The following TRUB1 variants were observed in gnomAD, a reference collection of about 807,000 sequenced individuals.
TRUB1 encodes pseudouridylate synthase TRUB1.
In TRUB1, 23 loss-of-function variants were observed where a neutral mutation model predicts 33.9. The observed-to-expected ratio is 0.68, with a 90% CI of 0.49 to 0.96. The LOEUF (loss-of-function observed/expected upper bound fraction) is 0.96. Ranked by LOEUF, TRUB1 falls within the 40% of genes least tolerant of loss-of-function variation. The pLI, the probability that TRUB1 is intolerant of heterozygous loss-of-function variation, is 0.00. For synonymous variants in TRUB1, 163 were observed against 165.4 expected, an observed-to-expected ratio of 0.99 and a Z score of 0.11; for missense variants, 378 against 422.2, an observed-to-expected ratio of 0.90 and a Z score of 0.92.
chr10:114,951,194 G>A, intron 3 of TRUB1, 45 bp downstream of exon 3: 2 of 1,473,840 alleles, frequency 1.4e-6, no homozygotes, highest in Non-Finnish European at 1.9e-6. Flanking sequence ...TGTTCTTAAT[G>A]ATCTACATGT....
intron 2 of TRUB1, among the ~76,000 whole-genome samples, chr10:114,947,833 G>T (rs751405820): frequency 6.6e-6 from 1 of 152,188 alleles, no homozygotes; most frequent in Non-Finnish European, 1.5e-5. Flanking sequence ...TGTCTTTATA[G>T]ATAGAACTTT....
chr10:114,971,095 A>G (rs1294662991), intron 5 of TRUB1, among the ~76,000 whole-genome samples: 9 of 152,124 alleles, frequency 5.9e-5, no homozygotes, highest in South Asian at 4.1e-4. Context: ...TTTTTCACAG[A>G]TGGCACCTTC....
chr10:114,943,357 C>T (rs2084197233), intron 2 of TRUB1, among the ~76,000 whole-genome samples: 1 of 152,114 alleles, frequency 6.6e-6, no homozygotes, highest in African/African-American at 2.4e-5. Context: ...TGGTGAAACC[C>T]TGTCTCTTCT....
chr10:114,939,647 C>A (rs2084176778), intron 1 of TRUB1, among the ~76,000 whole-genome samples: 1 of 152,134 alleles, frequency 6.6e-6, no homozygotes, highest in Non-Finnish European at 1.5e-5. Context: ...TCCAGTATCA[C>A]GACTACTTAT....
chr10:114,942,863 G>T, intron 2 of TRUB1, 120 bp downstream of exon 2: 1 of 673,140 alleles, frequency 1.5e-6, no homozygotes, highest in Non-Finnish European at 2.6e-6. Context: ...GAATGTTTCA[G>T]ATCTACTGGA....
At chr10:114,951,199 A>G (rs1190082528) in intron 3 of TRUB1, 50 bp downstream of exon 3, 1 of 1,442,190 alleles carries the variant, frequency 6.9e-7, no homozygotes, top group Admixed American at 1.8e-5. Flanking sequence ...TTAATGATCT[A>G]CATGTATTGG....
intron 2 of TRUB1, among the ~76,000 whole-genome samples, chr10:114,946,255 G>C (rs970591999): frequency 6.6e-6 from 1 of 151,892 alleles, no homozygotes; most frequent in Non-Finnish European, 1.5e-5. Flanking sequence ...TAAGTCAAAA[G>C]GTTTTCAAAA....
rs143711955 is a variant in TRUB1 at position 114,938,426 on chromosome 10, A to C, written c.173A>C (p.Lys58Thr). 264 of 1,597,702 alleles carry C rather than the reference A, an allele frequency of 1.7e-4. No individual in the cohort carries two copies. Among genetic ancestry groups the C allele is most frequent in the Non-Finnish European group, 2.1e-4 (250 of 1,172,148 alleles). Residue 58 changes from lysine to threonine, a missense_variant, in exon 1 of 8, where the codon AAG (lysine) becomes ACG (threonine). Physicochemically the swap from Lys to Thr is moderately conservative, Grantham distance 78 (BLOSUM62 -1). Transcript: ENST00000298746. ...ACCGGATCCGAAGCCAGGGTCTCCA[A>C]GGCCGCTTTGGCTACCAAGCTGCTG... ...ARTGSEARVS[K>T]AALATKLLSL...
intron 1 of TRUB1, 126 bp downstream of exon 1, chr10:114,938,665 A>C (rs2143019744): frequency 9.2e-7 from 1 of 1,084,320 alleles, no homozygotes; most frequent in Non-Finnish European, 1.3e-6. Context: ...CCATTGAATT[A>C]GCTCTGGACA....
chr10:114,952,764 G>GT (rs1336909169), intron 3 of TRUB1, among the ~76,000 whole-genome samples: 4 of 152,150 alleles, frequency 2.6e-5, no homozygotes, highest in African/African-American at 9.7e-5. Flanking sequence ...GTGTTTGACA[G>GT]TTTCTCAGTA....
chr10:114,960,991 G>C (rs1258969823), intron 4 of TRUB1, among the ~76,000 whole-genome samples: 1 of 152,080 alleles, frequency 6.6e-6, no homozygotes, highest in Non-Finnish European at 1.5e-5. Context: ...TTAAGGCTGG[G>C]GGGTGTGGGT....
At chr10:114,968,020 A>G (rs1379517722) in intron 4 of TRUB1, among the ~76,000 whole-genome samples, 1 of 152,190 alleles carries the variant, frequency 6.6e-6, no homozygotes, top group African/African-American at 2.4e-5. Flanking sequence ...AGTGTATGTT[A>G]TATACGAAAA....
intron 2 of TRUB1, among the ~76,000 whole-genome samples, chr10:114,944,403 A>G (rs2084202616): frequency 6.6e-6 from 1 of 152,164 alleles, no homozygotes. Context: ...AAAATTATAG[A>G]TTTATGTTGG....
chr10:114,940,619 C>T (rs930243041), intron 1 of TRUB1, among the ~76,000 whole-genome samples: 16 of 152,226 alleles, frequency 1.1e-4, no homozygotes, highest in Non-Finnish European at 1.8e-4. Flanking sequence ...TAAAAATCCA[C>T]GAATACTTAG....
rs964683054 is a variant in TRUB1, at chr10:114,946,190, G to C, written c.385+3447G>C. ...ACTGTATACATCCTAAGAAAATCTC[G>C]TAACTTCACTGAACGTGTCTTCATC... On this transcript the variant is annotated intron_variant, in intron 2 of 7. Transcript: ENST00000298746. Among the ~76,000 whole-genome samples, 15 of 152,158 alleles carry C rather than the reference G, an allele frequency of 9.9e-5. No individual in the cohort carries two copies. The East Asian group carries it at 2.5e-3, about 26-fold the overall frequency.
chr10:114,971,071 G>A (rs1003832234), intron 5 of TRUB1, among the ~76,000 whole-genome samples: 10 of 152,140 alleles, frequency 6.6e-5, no homozygotes, highest in Admixed American at 2.6e-4. Context: ...GCTCAGCGTC[G>A]GGTGAAGGCC....
intron 2 of TRUB1, among the ~76,000 whole-genome samples, chr10:114,945,318 C>T (rs1429971044): frequency 1.3e-5 from 2 of 152,198 alleles, no homozygotes; most frequent in Non-Finnish European, 2.9e-5. Flanking sequence ...TTCTTACCAG[C>T]TTAGCACTTC....
intron 3 of TRUB1, among the ~76,000 whole-genome samples, chr10:114,952,096 A>G (rs1247627336): frequency 6.6e-6 from 1 of 152,212 alleles, no homozygotes; most frequent in Non-Finnish European, 1.5e-5. Flanking sequence ...CTTATTATAG[A>G]TAACTGGCCT....
At chr10:114,951,543 A>G (rs1255759627) in intron 3 of TRUB1, among the ~76,000 whole-genome samples, 1 of 152,212 alleles carries the variant, frequency 6.6e-6, no homozygotes, top group Non-Finnish European at 1.5e-5. Context: ...TGCTTTGTTC[A>G]ATGGTTATAA....
Sources: gnomAD v4.1 joint callset for allele counts (sites outside exome capture counted in the v4.1 genomes callset) on GRCh38, gnomAD v4.1.1 for gene constraint, MANE v1.5 for transcripts, NCBI Gene and HGNC (gene_info 2026-07-23, HGNC 2026-07-21) for gene names.